Variants in IQCM observed in about 807,000 individuals in gnomAD.
IQCM encodes IQ domain-containing protein M.
A neutral mutation model predicts 57.6 loss-of-function variants in IQCM; 45 were observed. The ratio of observed to expected loss-of-function variants is 0.78; its 90% confidence interval spans 0.62 to 1.00. The LOEUF is 1.00. Among genes scored for constraint, IQCM ranks in the 50% least tolerant of loss-of-function variants. The probability of loss-of-function intolerance (pLI) is 0.00; values close to 1 mark genes in which losing one functional copy is unlikely to be tolerated. For synonymous variants in IQCM, 148 were observed against 158.9 expected (o/e 0.93, Z 0.51); for missense variants, 468 against 511.6 (o/e 0.91, Z 0.82).
intron 12 of IQCM, among the ~76,000 whole-genome samples, chr4:149,469,058 A>T (rs1002144179): frequency 6.6e-6 from 1 of 152,224 alleles, no homozygotes; most frequent in Non-Finnish European, 1.5e-5. Context: ...TCTAAAAATC[A>T]GATTGGCTCT....
At chr4:149,749,739 G>C (rs1768258370) in intron 2 of IQCM, among the ~76,000 whole-genome samples, 1 of 151,996 alleles carries the variant, frequency 6.6e-6, no homozygotes, top group African/African-American at 2.4e-5. Flanking sequence ...CTTTATTAAT[G>C]TTTCAATATA....
intron 13 of IQCM, among the ~76,000 whole-genome samples, chr4:149,358,881 G>GT (rs1729254595): frequency 2.5e-5 from 2 of 80,966 alleles, no homozygotes; most frequent in Non-Finnish European, 2.9e-5. Flanking sequence ...TATATCATGA[G>GT]ACCACAGTGG....
chr4:149,423,342 TG>T (rs1339340998), intron 13 of IQCM, among the ~76,000 whole-genome samples: 1 of 151,952 alleles, frequency 6.6e-6, no homozygotes, highest in Non-Finnish European at 1.5e-5. Context: ...GAGAACTGCA[TG>T]GGGGAAACCT....
At chr4:149,374,186 G>C (rs1210043126) in intron 13 of IQCM, among the ~76,000 whole-genome samples, 1 of 152,154 alleles carries the variant, frequency 6.6e-6, no homozygotes, top group Non-Finnish European at 1.5e-5. Context: ...TCTCTTTAGT[G>C]TTCTGAGTCA....
At chr4:149,503,260 T>C (rs1301422200) in intron 12 of IQCM, among the ~76,000 whole-genome samples, 1 of 152,084 alleles carries the variant, frequency 6.6e-6, no homozygotes, top group African/African-American at 2.4e-5. Flanking sequence ...ATAACAATAA[T>C]AAATTAAAAT....
At chr4:149,604,607 A>G (rs574361652) in intron 8 of IQCM, among the ~76,000 whole-genome samples, 2 of 152,286 alleles carry the variant, frequency 1.3e-5, no homozygotes, top group South Asian at 4.1e-4. Context: ...TATTATTACT[A>G]CTGAAATTTT....
chr4:149,610,598 G>C (rs1187686892), intron 8 of IQCM, among the ~76,000 whole-genome samples: 1 of 151,858 alleles, frequency 6.6e-6, no homozygotes, highest in Non-Finnish European at 1.5e-5. Context: ...TTCAACAAAG[G>C]TGCCAAGAAC....
chr4:149,567,502 A>C (rs1750744119), intron 9 of IQCM, among the ~76,000 whole-genome samples: 1 of 151,948 alleles, frequency 6.6e-6, no homozygotes, highest in South Asian at 2.1e-4. Flanking sequence ...GTGTGCCACC[A>C]CACACAGCTA....
intron 5 of IQCM, chr4:149,691,033 G>A (rs992116951): frequency 2.6e-5 from 4 of 152,082 alleles, no homozygotes; most frequent in Non-Finnish European, 4.4e-5. Context: ...ATAAAGACAC[G>A]TGGTATGTTA....
At chr4:149,410,936 T>G (rs996144430) in intron 13 of IQCM, among the ~76,000 whole-genome samples, 1 of 152,158 alleles carries the variant, frequency 6.6e-6, no homozygotes, top group Non-Finnish European at 1.5e-5. Context: ...GGTGAACAAA[T>G]GAGCAAAACT....
At chr4:149,617,657 A>C (rs1251378941) in intron 8 of IQCM, among the ~76,000 whole-genome samples, 1 of 152,200 alleles carries the variant, frequency 6.6e-6, no homozygotes, top group African/African-American at 2.4e-5. Context: ...GAACTCAGTA[A>C]AGTTTCAGGA....
intron 5 of IQCM, among the ~76,000 whole-genome samples, chr4:149,709,317 A>C (rs1433448001): frequency 1.3e-5 from 2 of 152,088 alleles, no homozygotes; most frequent in Non-Finnish European, 2.9e-5. Flanking sequence ...TTGAAGAGAA[A>C]TAAAGGAAGA....
intron 2 of IQCM, among the ~76,000 whole-genome samples, chr4:149,766,791 G>A (rs915238963): frequency 2.6e-5 from 4 of 152,082 alleles, no homozygotes; most frequent in Non-Finnish European, 4.4e-5. Flanking sequence ...GAGGGTTGAC[G>A]AAAATAGAAA....
intron 13 of IQCM, among the ~76,000 whole-genome samples, chr4:149,420,538 C>A (rs561354566): frequency 6.6e-6 from 1 of 151,936 alleles, no homozygotes; most frequent in East Asian, 1.9e-4. Context: ...GGGCTTAATA[C>A]CTAGGTGATG....
intron 7 of IQCM, among the ~76,000 whole-genome samples, chr4:149,675,812 A>T (rs1211537077): frequency 1.3e-5 from 2 of 151,934 alleles, no homozygotes. Context: ...GCCAATGACT[A>T]TGTAGAGATG....
chr4:149,552,316 G>C (rs1749115685), intron 11 of IQCM, among the ~76,000 whole-genome samples: 1 of 152,048 alleles, frequency 6.6e-6, no homozygotes, highest in Non-Finnish European at 1.5e-5. Flanking sequence ...AATAAATACT[G>C]TATGACTAGC....
chr4:149,441,056 T>G (rs953315369), intron 12 of IQCM, among the ~76,000 whole-genome samples: 1 of 152,140 alleles, frequency 6.6e-6, no homozygotes, highest in African/African-American at 2.4e-5. Context: ...AGAGACACAA[T>G]AAGAGCAAAG....
intron 2 of IQCM, among the ~76,000 whole-genome samples, chr4:149,750,758 G>A (rs928491589): frequency 6.6e-5 from 10 of 152,164 alleles, no homozygotes; most frequent in Admixed American, 3.3e-4. Flanking sequence ...AGCATTCCCC[G>A]CTGAGATGTT....
intron 11 of IQCM, among the ~76,000 whole-genome samples, chr4:149,549,687 A>C (rs1460758343): frequency 6.6e-6 from 1 of 152,204 alleles, no homozygotes; most frequent in Non-Finnish European, 1.5e-5. Flanking sequence ...GTAAGTCAAC[A>C]TTTATAGGAT....
Sources: gnomAD v4.1 joint callset for allele counts (sites outside exome capture counted in the v4.1 genomes callset) on GRCh38, gnomAD v4.1.1 for gene constraint, MANE v1.5 for transcripts, NCBI Gene and HGNC (gene_info 2026-07-23, HGNC 2026-07-21) for gene names.